TNFAIP3: variants seen among roughly 807,000 people sequenced by gnomAD.
The protein encoded by TNFAIP3 is tumor necrosis factor alpha-induced protein 3.
A neutral mutation model predicts 72.4 loss-of-function variants in TNFAIP3; 9 were observed. The ratio of observed to expected loss-of-function variants is 0.12; its 90% CI spans 0.07 to 0.22. The LOEUF (loss-of-function observed/expected upper bound fraction) is 0.22. TNFAIP3 is among the 10% of genes least tolerant of loss of function. The pLI, the probability that TNFAIP3 is intolerant of heterozygous loss-of-function variation, is 1.00. For synonymous variants in TNFAIP3, 339 were observed against 372.6 expected (o/e 0.91, Z 1.04); for missense variants, 833 against 1,018.7 (o/e 0.82, Z 2.48).
rs765675314 is a variant in TNFAIP3, at chr6:137,878,661, G to C, written c.1216G>C (p.Glu406Gln). 8 of 1,614,066 alleles carry C rather than the reference G, an allele frequency of 5.0e-6. No individual in the cohort carries two copies. In the South Asian group the frequency reaches 8.8e-5, roughly 18 times the overall value. ...MSVNTQPLCHECSERRQKNQN... is the reference protein window; with the variant it reads ...MSVNTQPLCHQCSERRQKNQN... ...TGTGAACACCCAGCCTTTATGCCAT[G>C]AGTGCTCAGAGAGGCGGCAAAAGAA... The change falls in exon 7 of 9, where the codon GAG becomes CAG. Residue 406 changes from glutamate (E) to glutamine (Q), a missense_variant. Transcript: ENST00000612899.
In TNFAIP3 at chr6:137,879,050, C is replaced by T. The variant is rs1776350601; in HGVS notation, c.1605C>T (p.Ile535=). 2 of 1,614,248 alleles carry T rather than the reference C, an allele frequency of 1.2e-6. No individual in the cohort carries two copies. Among genetic ancestry groups the T allele is most frequent in the South Asian group, 2.2e-5 (2 of 91,090 alleles). The part of the protein sequence containing the change: ...LQDVTRTFNG[I]CSTCFKRTTA... The stretch of plus-strand genomic sequence containing the variant: ...ATGTTACCAGGACATTTAATGGGAT[C>T]TGCAGTACTTGCTTCAAAAGGACTA... Residue 535 remains isoleucine (I), a synonymous_variant, in exon 7 of 9, where the codon ATC becomes ATT. Coordinates refer to ENST00000612899, the MANE Select transcript of TNFAIP3 (RefSeq NM_001270508.2).
rs1562267374 is a variant in TNFAIP3, at chr6:137,871,165, T to C, written c.-15-48T>C. ...GCAGGCAGCTATAGAGGAGTCGTAT[T>C]AAAGTCAGGCTAATAGAATGGCTTT... On this transcript the variant is annotated intron_variant, in intron 1 of 8. Coordinates refer to ENST00000612899, the MANE Select transcript of TNFAIP3 (RefSeq NM_001270508.2). This position sits in a 1 kb window ranked among gnomAD's most constrained non-coding sequence, Gnocchi z 4.2. 1 of 1,528,226 alleles carries C rather than the reference T, an allele frequency of 6.5e-7. No homozygotes were observed. The highest frequency in any genetic ancestry group is 1.4e-5 in the African/African-American group (1 of 71,928). 94.7% of individuals were successfully genotyped at this position (1,528,226 alleles called of 1,614,324 possible). A position where few individuals can be genotyped will look rare whatever the true frequency, so the allele number is the denominator to read the frequency against.
rs1293239764 is a variant in TNFAIP3, at chr6:137,878,407, C to A, written c.987-25C>A. The A allele has an allele frequency of 1.9e-6, 3 of 1,574,316 alleles. No individual in the cohort carries two copies. The East Asian group carries it at 6.8e-5, about 35-fold the overall frequency. The stretch of plus-strand genomic sequence containing the variant: ...GTGTGTGATTTTGTGTATTCTCATA[C>A]ATATTTTTTCCTTTTGGTCTTCAGG... On this transcript the variant is annotated intron_variant, in intron 6 of 8. Transcript: ENST00000612899.
At chr6:137,869,478 G>C (rs1385088593) in intron 1 of TNFAIP3, among the ~76,000 whole-genome samples, 1 of 152,088 alleles carries the variant, frequency 6.6e-6, no homozygotes, top group African/African-American at 2.4e-5. Flanking sequence ...CTATGATTTT[G>C]CCCAATTCCA....
rs150549788 is a variant in TNFAIP3 at position 137,879,521 on chromosome 6, C to G, written c.1906+170C>G. ...CAGTCACGGTGGCCCTGCCAGCCGC[C>G]CATGGAGGCAAAAGGCACTGCGTGA... is the stretch of plus-strand genomic sequence containing the variant. On this transcript the variant is annotated intron_variant, in intron 7 of 8. Coordinates refer to ENST00000612899, the MANE Select transcript of TNFAIP3 (RefSeq NM_001270508.2). 3.6e-4 allele frequency among the ~76,000 whole-genome samples: 55 copies of G among 152,314 alleles called. No homozygotes were observed. The East Asian group carries it at 0.01, about 28-fold the overall frequency.
At chr6:137,875,107 T>C in intron 3 of TNFAIP3, 72 bp downstream of exon 3, 1 of 1,545,798 alleles carries the variant, frequency 6.5e-7, no homozygotes, top group South Asian at 1.2e-5. Flanking sequence ...GGCGAGTCCC[T>C]GCCCTCTGGT....
chr6:137,878,471 A>G lies in TNFAIP3; in HGVS notation c.1026A>G (p.Val342=). Residue 342 remains valine, a synonymous_variant, in exon 7 of 9, where the codon GTA becomes GTG. Transcript: ENST00000612899. ...EANLPKEINL[V]DDYFELVQHE... ...ACTTACCAAAAGAAATCAATCTGGTAGATGATTACTTTGAACTTGTTCAGC... is the reference window on the plus strand; with the variant it reads ...ACTTACCAAAAGAAATCAATCTGGTGGATGATTACTTTGAACTTGTTCAGC... 1 of 1,613,506 alleles carries G rather than the reference A, an allele frequency of 6.2e-7. No homozygotes were observed.
chr6:137,878,309 T>C, intron 6 of TNFAIP3, 123 bp from the exon 7 acceptor site: 1 of 838,108 alleles, frequency 1.2e-6, no homozygotes. Flanking sequence ...TGCATTTCAG[T>C]GAATGGTTCT....
intron 1 of TNFAIP3, among the ~76,000 whole-genome samples, chr6:137,869,705 C>A (rs1336771952): frequency 6.6e-6 from 1 of 152,164 alleles, no homozygotes; most frequent in Non-Finnish European, 1.5e-5. Context: ...AGAGTCTAGA[C>A]CCACACAGAA....
intron 7 of TNFAIP3, 32 bp downstream of exon 7, chr6:137,879,383 G>A (rs768112558): frequency 6.3e-6 from 10 of 1,589,338 alleles, no homozygotes; most frequent in South Asian, 1.1e-5. Context: ...CTAACACAGC[G>A]GCTGCTGTCC....
At chr6:137,876,441 G>A (rs1776251581) in intron 5 of TNFAIP3, among the ~76,000 whole-genome samples, 1 of 152,110 alleles carries the variant, frequency 6.6e-6, no homozygotes, top group South Asian at 2.1e-4. Context: ...GTAAACGCCT[G>A]TCAGGTTAGT....
At position 137,878,659 on chromosome 6, in the gene TNFAIP3, A is replaced by G. The variant is rs370736888; in HGVS notation, c.1214A>G (p.His405Arg). The G allele has an allele frequency of 3.1e-6, 5 of 1,614,160 alleles. No homozygotes were observed. In the South Asian group the frequency reaches 3.3e-5, roughly 11 times the overall value. The change falls in exon 7 of 9, where the codon CAT becomes CGT. Residue 405 changes from histidine (H) to arginine (R), a missense_variant. Coordinates refer to ENST00000612899, the MANE Select transcript of TNFAIP3 (RefSeq NM_001270508.2). ...FMSVNTQPLC[H>R]ECSERRQKNQ... Reference sequence around the variant, plus strand: ...TCTGTGAACACCCAGCCTTTATGCCATGAGTGCTCAGAGAGGCGGCAAAAG... The same window carrying G: ...TCTGTGAACACCCAGCCTTTATGCCGTGAGTGCTCAGAGAGGCGGCAAAAG...
chr6:137,876,803 A>G (rs1476542083), intron 5 of TNFAIP3, among the ~76,000 whole-genome samples: 1 of 152,218 alleles, frequency 6.6e-6, no homozygotes, highest in Non-Finnish European at 1.5e-5. Context: ...GCCAGGATTC[A>G]AACTCAGGTC....
chr6:137,876,534 C>A (rs1776254925), intron 5 of TNFAIP3, among the ~76,000 whole-genome samples: 1 of 152,318 alleles, frequency 6.6e-6, no homozygotes, highest in Middle Eastern at 3.4e-3. Flanking sequence ...CAGCCTCCAC[C>A]CCCTGGGCTC....
At chr6:137,877,377 T>C (rs1400062864) in intron 6 of TNFAIP3, 121 bp downstream of exon 6, 2 of 782,306 alleles carry the variant, frequency 2.6e-6, no homozygotes, top group African/African-American at 1.8e-5. Context: ...TTTCTGCCAA[T>C]GGGAAACAAA....
rs1031006452 is a variant in TNFAIP3 at position 137,867,837 on chromosome 6, C to T, written c.-16+295C>T. ...CTGGTGAAGAGGCGCCCCTCGGGCC[C>T]TCCGATCGGGTGGTCGTTGGCGCTT... On this transcript the variant is annotated intron_variant, in intron 1 of 8. Transcript: ENST00000612899. The surrounding 1 kb of genome is among the most constrained non-coding windows in gnomAD (Gnocchi z 6.0). The T allele has an allele frequency of 4.6e-5, 7 of 152,486 alleles. No homozygotes were observed. Among genetic ancestry groups the T allele is most frequent in the African/African-American group, 7.2e-5 (3 of 41,480 alleles). The allele number at this position is 152,486 out of a possible 1,614,324, so 9.4% of individuals were successfully genotyped here. A position where few individuals can be genotyped will look rare whatever the true frequency, so the allele number is the denominator to read the frequency against.
chr6:137,877,052 C>T (rs931772267), intron 5 of TNFAIP3, 24 bp from the exon 6 acceptor site: 3 of 1,555,958 alleles, frequency 1.9e-6, no homozygotes, highest in East Asian at 4.5e-5. Flanking sequence ...TACTGTTTTA[C>T]TTATGTATTA....
In TNFAIP3 at chr6:137,882,782, C is replaced by T. The variant is rs1312628597; in HGVS notation, c.*1463C>T. The T allele has an allele frequency of 4.3e-6, 1 of 231,492 alleles. No individual in the cohort carries two copies. Among genetic ancestry groups the T allele is most frequent in the South Asian group, 1.8e-4 (1 of 5,518 alleles). The allele number at this position is 231,492 out of a possible 1,614,324, so 14.3% of individuals were successfully genotyped here. On this transcript the variant is annotated 3_prime_UTR_variant, in exon 9 of 9. Transcript: ENST00000612899. ...GTATTGGGACAGCAAAAGCCAGTAA[C>T]CATGAGTATGAGGAAATCTCTTTCT... is the stretch of plus-strand genomic sequence containing the variant.
rs1226762777 is a variant in TNFAIP3 at position 137,875,844 on chromosome 6, C to G, written c.634+9C>G. 4 of 1,613,950 alleles carry G rather than the reference C, an allele frequency of 2.5e-6. No homozygotes were observed. The Admixed American group carries it at 5.0e-5, about 20-fold the overall frequency. On this transcript the variant is annotated intron_variant, in intron 4 of 8. Transcript: ENST00000612899. ...AATCATTGTCATTTCAGGTGAGATG[C>G]CTGCAGATCACGGATCTGTACTTAA...
Sources: gnomAD v4.1 joint callset for allele counts (sites outside exome capture counted in the v4.1 genomes callset) on GRCh38, gnomAD v4.1.1 for gene constraint, Gnocchi (gnomAD v3.1) non-coding constraint, MANE v1.5 for transcripts, NCBI Gene and HGNC (gene_info 2026-07-23, HGNC 2026-07-21) for gene names.